Variants in MVP observed in about 807,000 individuals in gnomAD.
MVP encodes the protein lung resistance-related protein.
Under a neutral mutation model 83.5 loss-of-function variants are expected in MVP, and 62 were observed. The ratio of observed to expected loss-of-function variants is 0.74; its 90% confidence interval spans 0.61 to 0.92. The LOEUF (loss-of-function observed/expected upper bound fraction) is 0.92, where lower values mean the gene tolerates loss of function less well. MVP is among the 40% of genes least tolerant of loss of function. The probability of loss-of-function intolerance (pLI) is 0.00; values close to 1 mark genes in which losing one functional copy is unlikely to be tolerated. For synonymous variants in MVP, 505 were observed against 504.1 expected, an observed-to-expected ratio of 1.00 and a Z score of -0.02; for missense variants, 1,000 against 1,203.4, an observed-to-expected ratio of 0.83 and a Z score of 2.50.
chr16:29,833,667 A>G, intron 3 of MVP, 66 bp from the exon 4 acceptor site: 1 of 1,600,622 alleles, frequency 6.2e-7, no homozygotes, highest in East Asian at 2.2e-5. Flanking sequence ...CCGCCTCCAG[A>G]GCATCAGGCT....
intron 3 of MVP, among the ~76,000 whole-genome samples, chr16:29,831,315 G>A (rs957378737): frequency 1.3e-5 from 2 of 152,014 alleles, no homozygotes; most frequent in Non-Finnish European, 2.9e-5. Flanking sequence ...CACCACGCCC[G>A]GCTAATTTTT....
chr16:29,841,498 G>A lies in MVP; in HGVS notation c.1192-98G>A. The A allele has an allele frequency of 6.9e-7, 1 of 1,447,408 alleles. No homozygotes were observed. Among genetic ancestry groups the A allele is most frequent in the Non-Finnish European group, 9.2e-7 (1 of 1,087,842 alleles). The allele number at this position is 1,447,408 out of a possible 1,614,324, so 89.7% of individuals were successfully genotyped here. On this transcript the variant is annotated intron_variant, in intron 8 of 14. Coordinates refer to ENST00000357402, the MANE Select transcript of MVP (RefSeq NM_005115.5). The surrounding 1 kb of genome is among the most constrained non-coding windows in gnomAD (Gnocchi z 4.7). ...CGTAGAGAAGGTGTTTAACCTCGTG[G>A]CGCGCCTTCCCTGGATGGGCTCTGC...
chr16:29,836,607 G>T, intron 6 of MVP, 115 bp from the exon 7 acceptor site: 1 of 808,824 alleles, frequency 1.2e-6, no homozygotes, highest in Non-Finnish European at 1.9e-6. Flanking sequence ...CCCTGGATTG[G>T]TAGAAATTGT....
chr16:29,843,637 A>G (rs2067556743), intron 10 of MVP, among the ~76,000 whole-genome samples: 1 of 142,192 alleles, frequency 7.0e-6, no homozygotes, highest in Non-Finnish European at 1.5e-5. Flanking sequence ...CTGTAATCAC[A>G]GCACTTTGGG....
chr16:29,823,988 T>C (rs891779251), intron 1 of MVP, among the ~76,000 whole-genome samples: 12 of 151,828 alleles, frequency 7.9e-5, no homozygotes, highest in African/African-American at 2.7e-4. Flanking sequence ...CCTGTTATCC[T>C]AGCCCTTTGG....
chr16:29,830,855 C>T, intron 2 of MVP, 23 bp from the exon 3 acceptor site: 1 of 1,603,138 alleles, frequency 6.2e-7, no homozygotes, highest in Non-Finnish European at 8.5e-7. Flanking sequence ...CAGGTCCTCA[C>T]ACCTCTTCTC....
chr16:29,839,014 C>T (rs567033917), intron 7 of MVP, among the ~76,000 whole-genome samples: 7 of 152,148 alleles, frequency 4.6e-5, no homozygotes, highest in African/African-American at 1.7e-4. Context: ...TGGTGAAGCC[C>T]CGTCTCTGTT....
intron 1 of MVP, among the ~76,000 whole-genome samples, chr16:29,828,676 G>A (rs569959996): frequency 1.3e-5 from 2 of 152,306 alleles, no homozygotes; most frequent in African/African-American, 2.4e-5. Flanking sequence ...CACCACGCCC[G>A]GCCAAGTTAA....
chr16:29,840,477 G>A lies in MVP; in HGVS notation c.1191+18G>A, dbSNP rs1362320569. Reference sequence around the variant, plus strand: ...CCGGAAAGGTAATGGCTGGGAGTGAGCAGCAGTGCTGCCACGTGGCCTTGG... The same window carrying A: ...CCGGAAAGGTAATGGCTGGGAGTGAACAGCAGTGCTGCCACGTGGCCTTGG... On this transcript the variant is annotated intron_variant, in intron 8 of 14. Transcript: ENST00000357402. The A allele has an allele frequency of 6.4e-7, 1 of 1,555,262 alleles. No homozygotes were observed. The highest frequency in any genetic ancestry group is 1.2e-5 in the South Asian group (1 of 84,496).
Position 29,845,966 on chromosome 16 carries a change from C to CT in MVP, c.2126dup (p.Glu710GlyfsTer27). 1.2e-6 allele frequency: 2 copies of CT among 1,614,270 alleles called. No individual in the cohort carries two copies. The highest frequency in any genetic ancestry group is 1.7e-6 in the Non-Finnish European group (2 of 1,180,042). On this transcript the variant is annotated frameshift_variant, in exon 12 of 15. Transcript: ENST00000357402. LOFTEE classifies it high-confidence loss of function. ...GAAAGCTCGCAAGGAACTTTTGGAG[C>CT]TGGAGGCTCTGAGGTGGGTTGAGAA...
At chr16:29,832,326 C>T (rs2067450267) in intron 3 of MVP, among the ~76,000 whole-genome samples, 2 of 112,466 alleles carry the variant, frequency 1.8e-5, no homozygotes, top group Admixed American at 1.2e-4. Flanking sequence ...GAGATGGAGT[C>T]TCACTCTGTT....
rs762489626 is a variant in MVP at position 29,841,988 on chromosome 16, C to T, written c.1510C>T (p.Arg504Trp). ...QFTVLSLSAG[R>W]PKRPHARRAL... The stretch of plus-strand genomic sequence containing the variant: ...CACAGTGTTGTCCCTCTCAGCTGGG[C>T]GGCCCAAGCGTCCCCATGCCCGCCG... The change falls in exon 10 of 15, where the codon CGG (arginine) becomes TGG (tryptophan). Residue 504 changes from arginine (R) to tryptophan (W), a missense_variant. Transcript: ENST00000357402. This position sits in a 1 kb window ranked among gnomAD's most constrained non-coding sequence, Gnocchi z 4.7. 6 of 1,612,324 alleles carry T rather than the reference C, an allele frequency of 3.7e-6. No individual in the cohort carries two copies. The highest frequency in any genetic ancestry group is 5.1e-6 in the Non-Finnish European group (6 of 1,180,044).
At chr16:29,835,653 T>TG (rs1362348814) in intron 5 of MVP, 51 bp from the exon 6 acceptor site, 4 of 1,481,688 alleles carry the variant, frequency 2.7e-6, no homozygotes, top group Non-Finnish European at 3.7e-6. Flanking sequence ...GAGGGGTAGG[T>TG]GGGGAGCAGG....
At chr16:29,833,617 C>T (rs2067461997) in intron 3 of MVP, 116 bp from the exon 4 acceptor site, 19 of 1,430,804 alleles carry the variant, frequency 1.3e-5, no homozygotes, top group Non-Finnish European at 1.8e-5. Context: ...GCCTCCACCC[C>T]AGTCTTATTT....
chr16:29,826,112 G>C (rs537498866), intron 1 of MVP: 2 of 152,386 alleles, frequency 1.3e-5, no homozygotes, highest in South Asian at 4.1e-4. Flanking sequence ...CCCCAGCACT[G>C]GTTATATTCC....
chr16:29,846,125 C>T (rs7193612), intron 12 of MVP, 33 bp from the exon 13 acceptor site: 1 of 1,602,396 alleles, frequency 6.2e-7, no homozygotes, highest in South Asian at 1.1e-5. Context: ...TGGGCTGTCT[C>T]CCGGGTCTTA....
chr16:29,823,992 C>T (rs1024505107), intron 1 of MVP, among the ~76,000 whole-genome samples: 1 of 151,494 alleles, frequency 6.6e-6, no homozygotes, highest in Non-Finnish European at 1.5e-5. Context: ...TTATCCTAGC[C>T]CTTTGGGAGG....
chr16:29,822,582 A>G (rs1169230658), intron 1 of MVP: 3 of 152,188 alleles, frequency 2.0e-5, no homozygotes, highest in Admixed American at 1.3e-4. Context: ...CGCATCACCG[A>G]CCTTACGTCC....
chr16:29,832,475 T>G (rs1305407269), intron 3 of MVP, among the ~76,000 whole-genome samples: 1 of 151,142 alleles, frequency 6.6e-6, no homozygotes, highest in African/African-American at 2.4e-5. Context: ...CTTTTTGTGT[T>G]TTTAGTAGAG....
Sources: gnomAD v4.1 joint callset for allele counts (sites outside exome capture counted in the v4.1 genomes callset) on GRCh38, gnomAD v4.1.1 for gene constraint, Gnocchi (gnomAD v3.1) non-coding constraint, MANE v1.5 for transcripts, NCBI Gene and HGNC (gene_info 2026-07-23, HGNC 2026-07-21) for gene names.